HEPHL1: variants seen among roughly 807,000 people sequenced by gnomAD.
HEPHL1 encodes hephaestin like 1, also known as ferroxidase HEPHL1.
A neutral mutation model predicts 122.0 loss-of-function variants in HEPHL1; 123 were observed. The ratio of observed to expected loss-of-function variants is 1.01; its 90% CI spans 0.87 to 1.17. HEPHL1 has a LOEUF of 1.17. HEPHL1 is among the 50% of genes most tolerant of loss of function. The probability of loss-of-function intolerance (pLI) is 0.00; values close to 1 mark genes in which losing one functional copy is unlikely to be tolerated. For missense variants in HEPHL1, 1,452 were observed against 1,430.5 expected (o/e 1.01, Z -0.24); for synonymous variants, 527 against 508.9 (o/e 1.04, Z -0.48).
chr11:94,028,929 C>A (rs1214153620), intron 1 of HEPHL1, among the ~76,000 whole-genome samples: 1 of 145,548 alleles, frequency 6.9e-6, no homozygotes, highest in African/African-American at 2.5e-5. Flanking sequence ...GCTGTGTAGA[C>A]ACTAAAACAA....
At chr11:94,037,566 C>T (rs189751190) in intron 1 of HEPHL1, among the ~76,000 whole-genome samples, 2 of 152,138 alleles carry the variant, frequency 1.3e-5, no homozygotes, top group Non-Finnish European at 1.5e-5. Flanking sequence ...TGACCCCTGA[C>T]CCCCAAGCAG....
At chr11:94,067,411 C>A in intron 4 of HEPHL1, 85 bp from the exon 5 acceptor site, 1 of 1,357,168 alleles carries the variant, frequency 7.4e-7, no homozygotes, top group Non-Finnish European at 1.0e-6. Flanking sequence ...GTTTTCCAGC[C>A]ATGCTTAAGC....
intron 10 of HEPHL1, among the ~76,000 whole-genome samples, 200 bp from the exon 11 acceptor site, chr11:94,085,777 T>G (rs773944775): frequency 3.9e-5 from 6 of 152,266 alleles, no homozygotes; most frequent in Non-Finnish European, 8.8e-5. Context: ...TTGTTAAAGA[T>G]AACATTTAAA....
chr11:94,073,498 T>G, intron 8 of HEPHL1, 59 bp downstream of exon 8: 1 of 1,500,876 alleles, frequency 6.7e-7, no homozygotes, highest in Non-Finnish European at 9.1e-7. Flanking sequence ...CACTTAGAAA[T>G]AAACAGTCCT....
intron 1 of HEPHL1, among the ~76,000 whole-genome samples, chr11:94,036,236 A>C (rs1356073846): frequency 6.6e-6 from 1 of 152,164 alleles, no homozygotes; most frequent in Admixed American, 6.5e-5. Flanking sequence ...CTCTGGACAG[A>C]ATAGGAATTC....
chr11:94,111,632 T>C, intron 19 of HEPHL1, 27 bp downstream of exon 19: 1 of 1,608,886 alleles, frequency 6.2e-7, no homozygotes, highest in South Asian at 1.1e-5. Flanking sequence ...CCCATGTAAA[T>C]GAGTCAACAT....
Position 94,085,984 on chromosome 11 carries a change from C to A in HEPHL1, c.1875C>A (p.Asn625Lys). 1.2e-6 allele frequency: 2 copies of A among 1,612,956 alleles called. No homozygotes were observed. The highest frequency in any genetic ancestry group is 1.1e-5 in the South Asian group (1 of 91,030). Residue 625 changes from asparagine (N) to lysine (K), a missense_variant, in exon 11 of 20, where the codon AAC becomes AAA. Physicochemically the swap from Asn to Lys is moderately conservative, Grantham distance 94. Coordinates refer to ENST00000315765, the MANE Select transcript of HEPHL1 (RefSeq NM_001098672.2). ...FVKSNRMHAV[N>K]GYMYGNQPGL... ...CTTTCTTCTTCCATTTAGCTGTTAA[C>A]GGCTACATGTATGGCAACCAGCCAG...
intron 14 of HEPHL1, 85 bp from the exon 15 acceptor site, chr11:94,102,829 T>C: frequency 1.5e-6 from 1 of 689,274 alleles, no homozygotes; most frequent in South Asian, 1.8e-5. Flanking sequence ...AATGAAAATA[T>C]ATAAAGACCT....
chr11:94,057,990 A>G (rs1244448898), intron 2 of HEPHL1, among the ~76,000 whole-genome samples: 1 of 151,964 alleles, frequency 6.6e-6, no homozygotes, highest in African/African-American at 2.4e-5. Context: ...TATCTTTCCT[A>G]TAGTGTGTGG....
chr11:94,037,400 T>A (rs1286178424), intron 1 of HEPHL1, among the ~76,000 whole-genome samples: 1 of 151,958 alleles, frequency 6.6e-6, no homozygotes, highest in Admixed American at 6.5e-5. Flanking sequence ...CTCTGTAGGC[T>A]CCACCTCTGG....
chr11:94,025,396 G>T (rs1212781409), intron 1 of HEPHL1, among the ~76,000 whole-genome samples: 1 of 152,094 alleles, frequency 6.6e-6, no homozygotes, highest in Admixed American at 6.6e-5. Context: ...TAATTAAGGT[G>T]TGTGTTTGGT....
In HEPHL1 at chr11:94,086,468, C is replaced by G. The variant is rs58167517; in HGVS notation, c.2080+279C>G. Among the ~76,000 whole-genome samples, 624 of 152,282 alleles carry G rather than the reference C, an allele frequency of 4.1e-3. 5 individuals are homozygous for G. Among genetic ancestry groups the G allele is most frequent in the African/African-American group, 0.014 (591 of 41,558 alleles). ...TAGGAGAATGTTTTTGATTCACAGTCCATAAAAATTCAGCCCTGATAAAGT... is the reference window on the plus strand; with the variant it reads ...TAGGAGAATGTTTTTGATTCACAGTGCATAAAAATTCAGCCCTGATAAAGT... On this transcript the variant is annotated intron_variant, in intron 11 of 19. Coordinates refer to ENST00000315765, the MANE Select transcript of HEPHL1 (RefSeq NM_001098672.2).
At position 94,082,429 on chromosome 11, in the gene HEPHL1, C is replaced by A; in HGVS notation, c.1728C>A (p.Asp576Glu). ...TTTCTTCTCTGTAGAAAGGAATAGA[C>A]AAGGAGTTTTACCTACTGTTCACAG... ...LNADGTQKGI[D>E]KEFYLLFTVF... The change falls in exon 10 of 20, where the codon GAC (aspartate) becomes GAA (glutamate). Residue 576 changes from aspartate to glutamate, a missense_variant. Coordinates refer to ENST00000315765, the MANE Select transcript of HEPHL1 (RefSeq NM_001098672.2). The A allele has an allele frequency of 6.2e-7, 1 of 1,608,658 alleles. No individual in the cohort carries two copies. Among genetic ancestry groups the A allele is most frequent in the Non-Finnish European group, 8.5e-7 (1 of 1,176,540 alleles).
In HEPHL1 at chr11:94,054,695, A is replaced by C. The variant is rs115253200; in HGVS notation, c.415+8778A>C. Among the ~76,000 whole-genome samples the C allele has an allele frequency of 8.8e-3, 1,347 of 152,318 alleles. 19 individuals are homozygous for C. Among genetic ancestry groups the C allele is most frequent in the African/African-American group, 0.031 (1,279 of 41,570 alleles). ...GGCTGACAACTGTTCTTCCCAGTCC[A>C]TCACACACATTGCCCTACCTTAGTT... is the stretch of plus-strand genomic sequence containing the variant. On this transcript the variant is annotated intron_variant, in intron 2 of 19. Coordinates refer to ENST00000315765, the MANE Select transcript of HEPHL1 (RefSeq NM_001098672.2).
At chr11:94,070,853 G>T (rs530400600) in intron 6 of HEPHL1, among the ~76,000 whole-genome samples, 1 of 152,216 alleles carries the variant, frequency 6.6e-6, no homozygotes, top group African/African-American at 2.4e-5. Flanking sequence ...AGCTGACAAA[G>T]AATAGAGTAA....
intron 1 of HEPHL1, among the ~76,000 whole-genome samples, chr11:94,034,158 C>T (rs1406201186): frequency 1.3e-5 from 2 of 152,206 alleles, no homozygotes; most frequent in Admixed American, 1.3e-4. Context: ...TCAAAGAGGA[C>T]TTTTTCTGCT....
intron 15 of HEPHL1, among the ~76,000 whole-genome samples, chr11:94,103,984 A>G (rs1946389837): frequency 6.6e-6 from 1 of 152,236 alleles, no homozygotes; most frequent in South Asian, 2.1e-4. Context: ...CTTGTCTTAA[A>G]GAAACTTATA....
rs1167115084 is a variant in HEPHL1, at chr11:94,067,762, A to G, written c.1063+12A>G. The G allele has an allele frequency of 6.2e-7, 1 of 1,612,552 alleles. No homozygotes were observed. Among genetic ancestry groups the G allele is most frequent in the African/African-American group, 1.3e-5 (1 of 74,894 alleles). On this transcript the variant is annotated intron_variant, in intron 5 of 19. Transcript: ENST00000315765. ...CGACCACCTACAAGGTAAAAAGGAT[A>G]AAGACCAGAGTTGATATGTTTAGAA...
chr11:94,080,633 C>T (rs148319625), intron 9 of HEPHL1, among the ~76,000 whole-genome samples: 194 of 152,194 alleles, frequency 1.3e-3, no homozygotes, highest in Middle Eastern at 0.01. Context: ...GGGCAAAAGA[C>T]GTGAACAGAC....
Sources: gnomAD v4.1 joint callset for allele counts (sites outside exome capture counted in the v4.1 genomes callset) on GRCh38, gnomAD v4.1.1 for gene constraint, MANE v1.5 for transcripts, NCBI Gene and HGNC (gene_info 2026-07-23, HGNC 2026-07-21) for gene names.